MLIP: variants seen among roughly 807,000 people sequenced by gnomAD.
The protein encoded by MLIP is muscular LMNA interacting protein.
Under a neutral mutation model 84.8 loss-of-function variants are expected in MLIP, and 79 were observed. The observed-to-expected ratio is 0.93, with a 90% confidence interval of 0.78 to 1.12. MLIP has a LOEUF of 1.12. Ranked by LOEUF, MLIP falls within the 50% of genes most tolerant of loss-of-function variation. The pLI is 0.00. For synonymous variants in MLIP, 504 were observed against 463.0 expected (o/e 1.09, Z -1.14); for missense variants, 1,257 against 1,160.6 (o/e 1.08, Z -1.21).
chr6:54,176,464 G>A (rs567161592), intron 9 of MLIP, among the ~76,000 whole-genome samples: 1 of 151,996 alleles, frequency 6.6e-6, no homozygotes, highest in South Asian at 2.1e-4. Flanking sequence ...GTTCAGTCTT[G>A]ATAGGTTGTA....
At chr6:54,087,637 G>A (rs2150366255) in intron 1 of MLIP, among the ~76,000 whole-genome samples, 1 of 152,146 alleles carries the variant, frequency 6.6e-6, no homozygotes, top group South Asian at 2.1e-4. Context: ...GCCCTCACAT[G>A]TGTGAGGGGC....
chr6:54,019,116 CAG>C (rs1405787675), intron 1 of MLIP: 1 of 1,608,934 alleles, frequency 6.2e-7, no homozygotes, highest in Non-Finnish European at 8.5e-7. Context: ...TTAGCACACA[CAG>C]ATTTATAATG....
chr6:54,142,462 T>G (rs1476394923), intron 4 of MLIP, among the ~76,000 whole-genome samples: 1 of 152,166 alleles, frequency 6.6e-6, no homozygotes, highest in African/African-American at 2.4e-5. Flanking sequence ...GAGGTGATAC[T>G]CCTTAAGAGA....
intron 12 of MLIP, among the ~76,000 whole-genome samples, chr6:54,250,551 C>G (rs1018464557): frequency 1.3e-5 from 2 of 152,020 alleles, no homozygotes; most frequent in African/African-American, 4.8e-5. Flanking sequence ...GAGATCATGT[C>G]CTTTGCAGGA....
chr6:54,152,273 A>G (rs920357193), intron 5 of MLIP, among the ~76,000 whole-genome samples: 1 of 152,180 alleles, frequency 6.6e-6, no homozygotes, highest in Non-Finnish European at 1.5e-5. Context: ...CTTTATTACA[A>G]TATGTTCAAC....
intron 13 of MLIP, among the ~76,000 whole-genome samples, chr6:54,265,535 C>G (rs117202278): frequency 2.6e-5 from 4 of 152,090 alleles, no homozygotes; most frequent in African/African-American, 9.7e-5. Context: ...ATTCAGTTTA[C>G]CTCCTTGTTA....
intron 1 of MLIP, among the ~76,000 whole-genome samples, chr6:54,059,553 T>G (rs1409815815): frequency 6.6e-6 from 1 of 152,182 alleles, no homozygotes; most frequent in Non-Finnish European, 1.5e-5. Flanking sequence ...AATATGGGGA[T>G]GAGAAAAGAA....
At chr6:54,129,979 A>T (rs1771248678) in intron 3 of MLIP, among the ~76,000 whole-genome samples, 1 of 152,056 alleles carries the variant, frequency 6.6e-6, no homozygotes, top group African/African-American at 2.4e-5. Context: ...TTTTTTTTAA[A>T]TAACTTTTCT....
intron 5 of MLIP, among the ~76,000 whole-genome samples, chr6:54,153,945 A>T (rs2150538373): frequency 6.6e-6 from 1 of 152,190 alleles, no homozygotes; most frequent in Middle Eastern, 3.4e-3. Flanking sequence ...ACATTGCTTA[A>T]TTTAGATTCT....
At chr6:54,198,512 G>A (rs946522152) in intron 10 of MLIP, among the ~76,000 whole-genome samples, 1 of 152,078 alleles carries the variant, frequency 6.6e-6, no homozygotes, top group African/African-American at 2.4e-5. Context: ...ACCCTTGTTT[G>A]GGTGATGGGT....
chr6:54,234,510 A>T (rs1211264537), intron 12 of MLIP, among the ~76,000 whole-genome samples: 2 of 152,146 alleles, frequency 1.3e-5, no homozygotes, highest in African/African-American at 4.8e-5. Flanking sequence ...ACAATACAAA[A>T]GGAGCACTTG....
At chr6:54,043,360 C>T (rs997719245) in intron 1 of MLIP, 3 of 152,142 alleles carry the variant, frequency 2.0e-5, no homozygotes, top group Non-Finnish European at 4.4e-5. Flanking sequence ...ACCTATTCCC[C>T]TTGTGGCTAG....
intron 1 of MLIP, among the ~76,000 whole-genome samples, chr6:54,094,833 C>G (rs1029000367): frequency 1.3e-5 from 2 of 152,096 alleles, no homozygotes; most frequent in African/African-American, 4.8e-5. Context: ...GGATGTTTCT[C>G]CTTTTAAAGT....
At chr6:54,260,606 G>C (rs1783318157) in intron 13 of MLIP, among the ~76,000 whole-genome samples, 1 of 151,850 alleles carries the variant, frequency 6.6e-6, no homozygotes, top group East Asian at 1.9e-4. Context: ...GTAAAAGTAG[G>C]AGGATCATGA....
At chr6:54,162,385 C>A (rs748651409) in intron 8 of MLIP, among the ~76,000 whole-genome samples, 2 of 152,000 alleles carry the variant, frequency 1.3e-5, no homozygotes, top group Non-Finnish European at 2.9e-5. Context: ...ATGAACAGTG[C>A]AAATGATGTT....
intron 1 of MLIP, among the ~76,000 whole-genome samples, chr6:54,072,421 G>A (rs1016016994): frequency 3.3e-5 from 5 of 152,062 alleles, no homozygotes; most frequent in African/African-American, 9.7e-5. Context: ...TAGGGTAATG[G>A]GTCTGTTACT....
chr6:54,100,162 A>C (rs2150387541), intron 1 of MLIP, among the ~76,000 whole-genome samples: 1 of 152,266 alleles, frequency 6.6e-6, no homozygotes. Context: ...GAGACGTCCC[A>C]TGTATAATTT....
intron 13 of MLIP, among the ~76,000 whole-genome samples, chr6:54,262,828 C>T (rs1783472902): frequency 6.6e-6 from 1 of 152,058 alleles, no homozygotes; most frequent in African/African-American, 2.4e-5. Flanking sequence ...CCCTTATGCT[C>T]AGCAGCAAGA....
chr6:54,223,532 A>T (rs1780364163), intron 11 of MLIP, among the ~76,000 whole-genome samples: 1 of 152,068 alleles, frequency 6.6e-6, no homozygotes, highest in Non-Finnish European at 1.5e-5. Flanking sequence ...GTCAAAGATT[A>T]GTTGTCCAAC....
Sources: allele counts gnomAD v4.1 joint callset (sites outside exome capture counted in the v4.1 genomes callset), GRCh38; gene constraint gnomAD v4.1.1; transcripts MANE v1.5; gene names NCBI Gene and HGNC (gene_info 2026-07-23, HGNC 2026-07-21).